IPO11: variants seen among roughly 807,000 people sequenced by gnomAD.
The protein encoded by IPO11 is importin-11.
In IPO11, 66 loss-of-function variants were observed where a neutral mutation model predicts 143.2. That is an observed-to-expected ratio of 0.46 (90% confidence interval 0.38 to 0.57). IPO11 has a LOEUF of 0.57. Ranked by LOEUF, IPO11 falls within the 20% of genes least tolerant of loss-of-function variation. The pLI, the probability that IPO11 is intolerant of heterozygous loss-of-function variation, is 0.00. For missense variants in IPO11, 1,026 were observed against 1,141.0 expected (o/e 0.90, Z 1.45); for synonymous variants, 385 against 377.8 (o/e 1.02, Z -0.22).
intron 22 of IPO11, among the ~76,000 whole-genome samples, chr5:62,533,079 C>T (rs1265727631): frequency 6.6e-6 from 1 of 152,116 alleles, no homozygotes; most frequent in African/African-American, 2.4e-5. Context: ...TGTGTATTTA[C>T]ATCAATAATG....
intron 26 of IPO11, among the ~76,000 whole-genome samples, chr5:62,553,027 G>A (rs566363450): frequency 2.6e-5 from 4 of 152,140 alleles, no homozygotes; most frequent in Non-Finnish European, 5.9e-5. Flanking sequence ...TTATCCTGCA[G>A]TGCTATATAG....
chr5:62,565,661 T>C (rs1743910002), intron 27 of IPO11, among the ~76,000 whole-genome samples: 1 of 152,202 alleles, frequency 6.6e-6, no homozygotes, highest in South Asian at 2.1e-4. Context: ...ATTTTTCTTT[T>C]TTTCATACTT....
intron 15 of IPO11, among the ~76,000 whole-genome samples, chr5:62,492,241 A>G (rs1411105375): frequency 1.3e-5 from 2 of 152,188 alleles, no homozygotes; most frequent in Non-Finnish European, 1.5e-5. Flanking sequence ...ACAGAGTCTA[A>G]TATGGTCTTA....
intron 29 of IPO11, among the ~76,000 whole-genome samples, chr5:62,623,245 T>A (rs1746436839): frequency 6.6e-6 from 1 of 152,140 alleles, no homozygotes; most frequent in Non-Finnish European, 1.5e-5. Context: ...CCTTTAAGAT[T>A]TTTTGGCCTG....
chr5:62,460,758 T>C (rs1289052378), intron 5 of IPO11, among the ~76,000 whole-genome samples: 25 of 152,224 alleles, frequency 1.6e-4, no homozygotes, highest in Admixed American at 1.6e-3. Flanking sequence ...ACATGTTTCA[T>C]TAAACAGTTT....
intron 26 of IPO11, among the ~76,000 whole-genome samples, chr5:62,559,707 C>T (rs1042212310): frequency 4.0e-5 from 6 of 151,458 alleles, no homozygotes; most frequent in African/African-American, 7.3e-5. Context: ...ACCTTAGGTC[C>T]GGAGTTTGAT....
intron 21 of IPO11, among the ~76,000 whole-genome samples, chr5:62,530,083 C>T (rs563088926): frequency 2.0e-5 from 3 of 152,104 alleles, no homozygotes; most frequent in Admixed American, 6.6e-5. Flanking sequence ...AGTTTCCCAT[C>T]GAAGAACACA....
At chr5:62,591,435 A>T (rs1179714688) in intron 27 of IPO11, 142 bp from the exon 28 acceptor site, 1 of 578,946 alleles carries the variant, frequency 1.7e-6, no homozygotes, top group Non-Finnish European at 3.0e-6. Flanking sequence ...ACTTTTTGTT[A>T]TAAGAAATAG....
chr5:62,440,038 C>T (rs975814642), intron 2 of IPO11, among the ~76,000 whole-genome samples: 41 of 152,178 alleles, frequency 2.7e-4, no homozygotes, highest in African/African-American at 9.9e-4. Flanking sequence ...ACATTACTTC[C>T]ATTCGTTCAC....
chr5:62,620,788 T>G (rs754239088), intron 29 of IPO11, among the ~76,000 whole-genome samples: 5 of 152,216 alleles, frequency 3.3e-5, no homozygotes, highest in Admixed American at 6.5e-5. Context: ...ATGCTAATAC[T>G]GGAGAGGTAT....
intron 5 of IPO11, among the ~76,000 whole-genome samples, chr5:62,458,454 C>T (rs1474578218): frequency 6.6e-6 from 1 of 152,170 alleles, no homozygotes; most frequent in Non-Finnish European, 1.5e-5. Flanking sequence ...GTGCATGCCG[C>T]TATGCCCGGC....
rs1355098164 is a variant in IPO11, at chr5:62,574,609, T to A, written c.2582+13352T>A. On this transcript the variant is annotated intron_variant, in intron 27 of 29. Coordinates refer to ENST00000325324, the MANE Select transcript of IPO11 (RefSeq NM_016338.5). ...CTAATCCATCTCTGCTAGCTTTTTC[T>A]AAGTTGAAACAGCCCTTCTGTTTAA... is the stretch of plus-strand genomic sequence containing the variant. Among the ~76,000 whole-genome samples the A allele has an allele frequency of 3.9e-5, 6 of 152,318 alleles. No individual in the cohort carries two copies. The East Asian group carries it at 1.2e-3, about 29-fold the overall frequency.
intron 29 of IPO11, among the ~76,000 whole-genome samples, chr5:62,626,923 C>T (rs1746603001): frequency 6.6e-6 from 1 of 152,128 alleles, no homozygotes; most frequent in African/African-American, 2.4e-5. Flanking sequence ...TGAGAAATGC[C>T]TGATCAGAAA....
At chr5:62,414,441 T>G (rs979655050) in intron 1 of IPO11, among the ~76,000 whole-genome samples, 2 of 152,220 alleles carry the variant, frequency 1.3e-5, no homozygotes, top group Admixed American at 1.3e-4. Flanking sequence ...TTTAGTGTTA[T>G]TGATGGTAAT....
intron 8 of IPO11, among the ~76,000 whole-genome samples, chr5:62,475,153 C>T (rs1055904126): frequency 3.3e-5 from 5 of 152,032 alleles, no homozygotes; most frequent in Middle Eastern, 3.2e-3. Flanking sequence ...GCGATCCGCC[C>T]ACCTTTGTCT....
At chr5:62,513,894 C>T (rs1162283146) in intron 19 of IPO11, among the ~76,000 whole-genome samples, 3 of 149,020 alleles carry the variant, frequency 2.0e-5, no homozygotes, top group Non-Finnish European at 3.0e-5. Context: ...CGGGCAGAGA[C>T]GCTCCTCACC....
intron 1 of IPO11, among the ~76,000 whole-genome samples, chr5:62,416,176 TC>T (rs1342685434): frequency 1.4e-5 from 2 of 142,224 alleles, no homozygotes; most frequent in Admixed American, 7.3e-5. Context: ...TCTTTTTTTT[TC>T]TTTTCTTTTT....
intron 1 of IPO11, among the ~76,000 whole-genome samples, chr5:62,427,061 C>T (rs939508049): frequency 1.3e-5 from 2 of 150,704 alleles, no homozygotes; most frequent in African/African-American, 2.4e-5. Context: ...CCTTAGCCTC[C>T]CGAGTAGCTG....
intron 27 of IPO11, among the ~76,000 whole-genome samples, chr5:62,564,538 T>C (rs1743872673): frequency 6.6e-6 from 1 of 152,166 alleles, no homozygotes; most frequent in Non-Finnish European, 1.5e-5. Flanking sequence ...TTGGGAAATG[T>C]CATTTTTTCC....
Sources: gnomAD v4.1 joint callset for allele counts (sites outside exome capture counted in the v4.1 genomes callset) on GRCh38, gnomAD v4.1.1 for gene constraint, MANE v1.5 for transcripts, NCBI Gene and HGNC (gene_info 2026-07-23, HGNC 2026-07-21) for gene names.